GLIS3: variants seen among roughly 807,000 people sequenced by gnomAD.
The protein encoded by GLIS3 is GLIS family zinc finger 3, also known as zinc finger protein GLIS3.
Under a neutral mutation model 78.6 loss-of-function variants are expected in GLIS3, and 53 were observed. That is an observed-to-expected ratio of 0.67 (90% CI 0.54 to 0.85). The LOEUF (loss-of-function observed/expected upper bound fraction) is 0.85. Among genes scored for constraint, GLIS3 ranks in the 40% least tolerant of loss-of-function variants. The pLI is 0.00. For missense variants in GLIS3, 1,703 were observed against 1,231.1 expected, an observed-to-expected ratio of 1.38 and a Z score of -5.74; for synonymous variants, 684 against 509.9, an observed-to-expected ratio of 1.34 and a Z score of -4.60.
rs532996107 is a variant in GLIS3 at position 3,856,078 on chromosome 9, C to G, written c.2404G>C (p.Gly802Arg). ...GGCTGATAGGACTTCAGGTGTGAAC[C>G]TGATGGCTGCTGGGTATAGGGAGGC... ...TQPPYTQQPSGSHLKSYQPET... is the reference protein window; with the variant it reads ...TQPPYTQQPSRSHLKSYQPET... Residue 802 changes from glycine to arginine, a missense_variant, in exon 9 of 11, where the codon GGT becomes CGT. By Grantham distance (125) the Gly-to-Arg change is moderately radical. Coordinates refer to ENST00000381971, the MANE Select transcript of GLIS3 (RefSeq NM_001042413.2). 22 of 1,614,062 alleles carry G rather than the reference C, an allele frequency of 1.4e-5. No homozygotes were observed. The highest frequency in any genetic ancestry group is 1.7e-5 in the Admixed American group (1 of 60,000).
At chr9:4,433,195 G>C in the GLIS3 span, among the ~76,000 whole-genome samples, 5 of 152,242 alleles carry the variant, frequency 3.3e-5, no homozygotes, top group Admixed American at 2.0e-4. Flanking sequence ...ACTTTGGGAA[G>C]TTGAGGCAGG....
intron 2 of GLIS3, among the ~76,000 whole-genome samples, chr9:4,164,933 G>T (rs1209473638): frequency 1.3e-5 from 2 of 152,160 alleles, no homozygotes; most frequent in East Asian, 3.9e-4. Flanking sequence ...GAAGTGAAGG[G>T]AAGTGAAGAG....
intron 4 of GLIS3, among the ~76,000 whole-genome samples, chr9:4,075,173 C>T (rs930926201): frequency 1.3e-5 from 2 of 150,126 alleles, no homozygotes; most frequent in Admixed American, 6.6e-5. Context: ...GATGGTACCA[C>T]GAGTGTATGC....
intron 2 of GLIS3, among the ~76,000 whole-genome samples, chr9:4,314,812 G>A (rs915663319): frequency 6.6e-6 from 1 of 152,158 alleles, no homozygotes; most frequent in South Asian, 2.1e-4. Flanking sequence ...GCCTTCATAG[G>A]GCTGTAGGGA....
intron 8 of GLIS3, among the ~76,000 whole-genome samples, chr9:3,864,724 A>G (rs1398714203): frequency 2.6e-5 from 4 of 152,176 alleles, no homozygotes; most frequent in Non-Finnish European, 5.9e-5. Context: ...TAAAGATAAG[A>G]CTCAACATTT....
intron 6 of GLIS3, among the ~76,000 whole-genome samples, chr9:3,906,204 C>T (rs1177151277): frequency 2.0e-5 from 3 of 152,182 alleles, no homozygotes; most frequent in Non-Finnish European, 4.4e-5. Context: ...TGGTGAACCA[C>T]TGGAAGTGTG....
intron 2 of GLIS3, among the ~76,000 whole-genome samples, chr9:4,151,221 G>A (rs1834653418): frequency 6.6e-6 from 1 of 152,126 alleles, no homozygotes; most frequent in Admixed American, 6.6e-5. Context: ...TTTGAGCCTA[G>A]AAGATACAAA....
intron 2 of GLIS3, among the ~76,000 whole-genome samples, chr9:4,190,962 A>C (rs1416340406): frequency 2.6e-5 from 4 of 152,068 alleles, no homozygotes; most frequent in Non-Finnish European, 4.4e-5. Flanking sequence ...GAAATAAAAT[A>C]CTTTACAGAC....
At chr9:4,378,816 G>A in the GLIS3 span, among the ~76,000 whole-genome samples, 1 of 152,144 alleles carries the variant, frequency 6.6e-6, no homozygotes, top group East Asian at 1.9e-4. Flanking sequence ...GAGCTTGTAT[G>A]GCAGAAGCAC....
At chr9:4,461,081 A>G in the GLIS3 span, among the ~76,000 whole-genome samples, 1 of 152,222 alleles carries the variant, frequency 6.6e-6, no homozygotes, top group Admixed American at 6.5e-5. Flanking sequence ...GGAATTCTCT[A>G]ACAAGTCTCA....
intron 2 of GLIS3, among the ~76,000 whole-genome samples, chr9:4,212,501 C>T (rs187557392): frequency 6.6e-6 from 1 of 152,272 alleles, no homozygotes; most frequent in East Asian, 1.9e-4. Flanking sequence ...GACACATAAG[C>T]AGGCAAAACA....
intron 4 of GLIS3, among the ~76,000 whole-genome samples, chr9:4,107,128 G>C (rs1436867786): frequency 6.6e-6 from 1 of 152,124 alleles, no homozygotes; most frequent in Non-Finnish European, 1.5e-5. Context: ...GATGAGACCA[G>C]GTCGCCACTC....
chr9:4,210,397 C>T (rs1820275139), intron 2 of GLIS3, among the ~76,000 whole-genome samples: 1 of 152,192 alleles, frequency 6.6e-6, no homozygotes. Flanking sequence ...ATCTTAACAT[C>T]CCTCTGCATT....
At chr9:4,277,401 T>C (rs1827126520) in intron 2 of GLIS3, among the ~76,000 whole-genome samples, 1 of 152,178 alleles carries the variant, frequency 6.6e-6, no homozygotes, top group South Asian at 2.1e-4. Flanking sequence ...AAAATAAACA[T>C]GAAACTTGAT....
rs369677580 is a variant in GLIS3 at position 3,926,233 on chromosome 9, G to GTTTTT, written c.1983+6122_1983+6126dup. On this transcript the variant is annotated intron_variant, in intron 6 of 10. Transcript: ENST00000381971. ...CGACTAAAGCAATGCTTTTTCTTTTGTTTTTTTTTTTTTCTTTGACGGAGT... is the reference window on the plus strand; with the variant it reads ...CGACTAAAGCAATGCTTTTTCTTTTGTTTTTTTTTTTTTTTTTTCTTTGACGGAGT... Among the ~76,000 whole-genome samples the GTTTTT allele has an allele frequency of 1.4e-3, 194 of 135,138 alleles. 7 individuals are homozygous for GTTTTT. Among genetic ancestry groups the GTTTTT allele is most frequent in the African/African-American group, 5.1e-3 (185 of 36,568 alleles). The allele number at this position is 135,138 out of a possible 152,430, so 88.7% of individuals were successfully genotyped here.
chr9:4,186,505 T>A (rs1395287073), intron 2 of GLIS3, among the ~76,000 whole-genome samples: 1 of 151,874 alleles, frequency 6.6e-6, no homozygotes, highest in African/African-American at 2.4e-5. Flanking sequence ...ATCCTTTGGG[T>A]ATATACCCAC....
intron 4 of GLIS3, among the ~76,000 whole-genome samples, chr9:4,115,981 T>C (rs988686497): frequency 1.3e-5 from 2 of 152,350 alleles, no homozygotes; most frequent in Non-Finnish European, 1.5e-5. Context: ...AACATTAACC[T>C]ATCAGCTTAT....
intron 2 of GLIS3, among the ~76,000 whole-genome samples, chr9:4,254,079 T>G (rs1360692398): frequency 1.3e-5 from 2 of 152,232 alleles, no homozygotes; most frequent in African/African-American, 4.8e-5. Context: ...GGAAGAGAAT[T>G]TAATGATGAC....
chr9:4,412,211 G>A, the GLIS3 span, among the ~76,000 whole-genome samples: 2 of 152,178 alleles, frequency 1.3e-5, no homozygotes, highest in African/African-American at 4.8e-5. Flanking sequence ...GGCTTATCCT[G>A]CTATGATAGC....
Sources: gnomAD v4.1 joint callset for allele counts (sites outside exome capture counted in the v4.1 genomes callset) on GRCh38, gnomAD v4.1.1 for gene constraint, MANE v1.5 for transcripts, NCBI Gene and HGNC (gene_info 2026-07-23, HGNC 2026-07-21) for gene names.